NUDCD3: variants seen among roughly 807,000 people sequenced by gnomAD.
The protein encoded by NUDCD3 is NudC domain containing 3, also known as nudC domain-containing protein 3.
In NUDCD3, 13 loss-of-function variants were observed where a neutral mutation model predicts 39.7. The ratio of observed to expected loss-of-function variants is 0.33; its 90% CI spans 0.21 to 0.52. NUDCD3 has a LOEUF of 0.52. Among genes scored for constraint, NUDCD3 ranks in the 20% least tolerant of loss-of-function variants. The pLI, the probability that NUDCD3 is intolerant of heterozygous loss-of-function variation, is 0.96. For synonymous variants in NUDCD3, 175 were observed against 172.4 expected (o/e 1.02, Z -0.12); for missense variants, 453 against 458.1 (o/e 0.99, Z 0.10).
intron 2 of NUDCD3, among the ~76,000 whole-genome samples, chr7:44,476,038 A>G (rs1250406115): frequency 2.0e-5 from 3 of 152,146 alleles, no homozygotes; most frequent in Non-Finnish European, 4.4e-5. Context: ...ACCACAGTCT[A>G]CGGGGTTGGG....
At chr7:44,422,071 C>T (rs1434374200) in intron 3 of NUDCD3, among the ~76,000 whole-genome samples, 1 of 152,054 alleles carries the variant, frequency 6.6e-6, no homozygotes, top group Non-Finnish European at 1.5e-5. Context: ...GCAGAAATAA[C>T]GAAGTTCTCT....
At position 44,383,626 on chromosome 7, in the gene NUDCD3, G is replaced by C. The variant is rs1272656228; in HGVS notation, c.*2385C>G. On this transcript the variant is annotated 3_prime_UTR_variant, in exon 6 of 6. Transcript: ENST00000355451. ...CCAATTTATTGCAAACCAACACCAA[G>C]GAGCTGGAATAGCTTTGCAGGCTGG... 6.6e-6 allele frequency: 1 copy of C among 152,250 alleles called. No individual in the cohort carries two copies. Among genetic ancestry groups the C allele is most frequent in the African/African-American group, 2.4e-5 (1 of 41,444 alleles). 9.4% of individuals were successfully genotyped at this position (152,250 alleles called of 1,614,324 possible). A position where few individuals can be genotyped will look rare whatever the true frequency, so the allele number is the denominator to read the frequency against.
intron 2 of NUDCD3, among the ~76,000 whole-genome samples, chr7:44,441,643 G>C (rs1233441470): frequency 6.6e-6 from 1 of 152,150 alleles, no homozygotes; most frequent in African/African-American, 2.4e-5. Context: ...CTTCAGGTCA[G>C]GGCTCCATAG....
At chr7:44,459,175 A>T (rs1481328055) in intron 2 of NUDCD3, among the ~76,000 whole-genome samples, 1 of 150,464 alleles carries the variant, frequency 6.6e-6, no homozygotes, top group African/African-American at 2.4e-5. Flanking sequence ...TATATATTCT[A>T]TTGTAGATGG....
chr7:44,412,884 G>A (rs1041962283), intron 3 of NUDCD3, among the ~76,000 whole-genome samples: 3 of 137,034 alleles, frequency 2.2e-5, no homozygotes, highest in Non-Finnish European at 4.6e-5. Context: ...CTGAGATCAC[G>A]CCACTGCACT....
chr7:44,440,634 G>A (rs1044785741), intron 2 of NUDCD3, among the ~76,000 whole-genome samples: 1 of 152,042 alleles, frequency 6.6e-6, no homozygotes, highest in African/African-American at 2.4e-5. Flanking sequence ...GAAAGGGGAG[G>A]AGGTTTAAGT....
chr7:44,394,448 G>A (rs565745998), intron 4 of NUDCD3, among the ~76,000 whole-genome samples: 1 of 152,304 alleles, frequency 6.6e-6, no homozygotes, highest in Admixed American at 6.5e-5. Flanking sequence ...CTGATGCAAT[G>A]AAAACCTTCC....
chr7:44,395,583 C>T (rs1325494758), intron 4 of NUDCD3, among the ~76,000 whole-genome samples: 1 of 152,200 alleles, frequency 6.6e-6, no homozygotes. Flanking sequence ...ATTGTTCCCT[C>T]AACCCCACCA....
intron 2 of NUDCD3, among the ~76,000 whole-genome samples, chr7:44,475,811 A>C (rs894696791): frequency 2.6e-5 from 4 of 152,122 alleles, no homozygotes; most frequent in Admixed American, 2.0e-4. Flanking sequence ...AAGAAAAGAA[A>C]AGCCATAGAA....
At chr7:44,464,415 A>T (rs756007497) in intron 2 of NUDCD3, among the ~76,000 whole-genome samples, 14 of 151,640 alleles carry the variant, frequency 9.2e-5, no homozygotes, top group Admixed American at 2.6e-4. Flanking sequence ...CAAATCATAC[A>T]CCCATGTCTC....
intron 2 of NUDCD3, among the ~76,000 whole-genome samples, chr7:44,441,292 T>C (rs1585081106): frequency 2.6e-5 from 4 of 152,198 alleles, no homozygotes; most frequent in Admixed American, 1.3e-4. Context: ...GCTTTACTCA[T>C]AGCATGACAA....
chr7:44,415,146 TGA>T (rs2116886796), intron 3 of NUDCD3, among the ~76,000 whole-genome samples: 2 of 152,344 alleles, frequency 1.3e-5, no homozygotes, highest in South Asian at 4.1e-4. Flanking sequence ...CAACCCACCA[TGA>T]GAGTTTTCTC....
At chr7:44,453,281 A>C (rs980572119) in intron 2 of NUDCD3, among the ~76,000 whole-genome samples, 1 of 152,174 alleles carries the variant, frequency 6.6e-6, no homozygotes, top group African/African-American at 2.4e-5. Flanking sequence ...TGAACTCGGG[A>C]AGCAGAGGTT....
At chr7:44,445,772 C>T (rs1278313383) in intron 2 of NUDCD3, among the ~76,000 whole-genome samples, 1 of 152,170 alleles carries the variant, frequency 6.6e-6, no homozygotes, top group Non-Finnish European at 1.5e-5. Context: ...AATGAGTTCT[C>T]TAATGAGAAA....
chr7:44,445,795 G>A (rs1408190115), intron 2 of NUDCD3, among the ~76,000 whole-genome samples: 3 of 152,300 alleles, frequency 2.0e-5, no homozygotes, highest in South Asian at 4.1e-4. Flanking sequence ...GAAAAACCAA[G>A]GCAAAGAGGT....
At chr7:44,456,055 A>C (rs865980856) in intron 2 of NUDCD3, among the ~76,000 whole-genome samples, 5 of 120,432 alleles carry the variant, frequency 4.2e-5, no homozygotes, top group South Asian at 5.2e-4. Flanking sequence ...AAAAAACAAA[A>C]AAACAAACAA....
At chr7:44,418,148 A>C (rs1191141004) in intron 3 of NUDCD3, among the ~76,000 whole-genome samples, 1 of 152,184 alleles carries the variant, frequency 6.6e-6, no homozygotes, top group African/African-American at 2.4e-5. Flanking sequence ...GTCGGAAGGC[A>C]CAGGACAGGA....
In NUDCD3 at chr7:44,490,607, T is replaced by C. The variant is rs1800721876; in HGVS notation, c.-7A>G. On this transcript the variant is annotated 5_prime_UTR_variant, in exon 1 of 6. Coordinates refer to ENST00000355451, the MANE Select transcript of NUDCD3 (RefSeq NM_015332.4). The stretch of plus-strand genomic sequence containing the variant: ...CGGCCGCCCCTGTCTCCATGTCGCC[T>C]CCCGCCCTAGGTACGCTTCACACAC... 6.3e-7 allele frequency: 1 copy of C among 1,599,806 alleles called. No homozygotes were observed. The highest frequency in any genetic ancestry group is 8.5e-7 in the Non-Finnish European group (1 of 1,173,568).
chr7:44,426,831 A>T (rs1158850311), intron 3 of NUDCD3, among the ~76,000 whole-genome samples: 1 of 151,004 alleles, frequency 6.6e-6, no homozygotes, highest in Non-Finnish European at 1.5e-5. Flanking sequence ...AAGGGAAGCA[A>T]GTGGGGACGC....
Sources: gnomAD v4.1 joint callset for allele counts (sites outside exome capture counted in the v4.1 genomes callset) on GRCh38, gnomAD v4.1.1 for gene constraint, MANE v1.5 for transcripts, NCBI Gene and HGNC (gene_info 2026-07-23, HGNC 2026-07-21) for gene names.